Variants in LDB2 observed in about 807,000 individuals in gnomAD.
LDB2 encodes the protein LIM domain-binding protein 2.
LDB2 carries 12 observed loss-of-function variants against 44.3 expected under a neutral mutation model. The observed-to-expected ratio is 0.27, with a 90% confidence interval of 0.17 to 0.44. The LOEUF (loss-of-function observed/expected upper bound fraction) is 0.44. Ranked by LOEUF, LDB2 falls within the 20% of genes least tolerant of loss-of-function variation. LDB2 has a pLI of 1.00. For synonymous variants in LDB2, 164 were observed against 174.8 expected, an observed-to-expected ratio of 0.94 and a Z score of 0.49; for missense variants, 344 against 473.5, an observed-to-expected ratio of 0.73 and a Z score of 2.54.
chr4:16,869,021 G>GC (rs1561490546), intron 1 of LDB2, among the ~76,000 whole-genome samples: 1 of 152,098 alleles, frequency 6.6e-6, no homozygotes. Context: ...GGTAGATGAT[G>GC]TTGATGATGA....
chr4:16,753,073 G>T (rs1364076019), intron 2 of LDB2, among the ~76,000 whole-genome samples: 1 of 152,180 alleles, frequency 6.6e-6, no homozygotes, highest in East Asian at 1.9e-4. Flanking sequence ...ACACACACGG[G>T]TCTTAAATTC....
Position 16,502,823 on chromosome 4 carries a change from G to A in LDB2, c.942C>T (p.Asp314=), listed in dbSNP as rs1391931045. Residue 314 remains aspartate, a synonymous_variant, in exon 8 of 8, where the codon GAC becomes GAT. Coordinates refer to ENST00000304523, the MANE Select transcript of LDB2 (RefSeq NM_001290.5). The stretch of plus-strand genomic sequence containing the variant: ...ATCTAGTGATTAGCCTTTCGTCCTC[G>A]TCCCCAAACTCACCTCCCATCAGAG... The part of the protein sequence containing the change: ...EPTLMGGEFG[D]EDERLITRLE... The A allele has an allele frequency of 3.7e-6, 6 of 1,613,874 alleles. No homozygotes were observed. Among genetic ancestry groups the A allele is most frequent in the Non-Finnish European group, 8.5e-7 (1 of 1,179,978 alleles).
intron 2 of LDB2, among the ~76,000 whole-genome samples, chr4:16,751,096 C>T (rs547030688): frequency 4.3e-4 from 66 of 152,192 alleles, no homozygotes; most frequent in Non-Finnish European, 8.1e-4. Context: ...AGGCAAAGAG[C>T]ACATAATGTC....
At chr4:16,563,534 C>T (rs1278719483) in intron 5 of LDB2, among the ~76,000 whole-genome samples, 13 of 146,280 alleles carry the variant, frequency 8.9e-5, no homozygotes, top group East Asian at 2.1e-4. Flanking sequence ...CTGCAAACTC[C>T]GCCTCCCGGG....
rs1237966070 is a variant in LDB2 at position 16,826,195 on chromosome 4, A to ATAGCTAT, written c.133-66942_133-66936dup. 2.6e-5 allele frequency among the ~76,000 whole-genome samples: 4 copies of ATAGCTAT among 152,294 alleles called. No homozygotes were observed. The East Asian group carries it at 7.7e-4, about 29-fold the overall frequency. On this transcript the variant is annotated intron_variant, in intron 1 of 7. Coordinates refer to ENST00000304523, the MANE Select transcript of LDB2 (RefSeq NM_001290.5). ...GAGATAGATAGATTAGATAGATGAG[A>ATAGCTAT]TAGCTATAACACTGAGACTAAAACA...
At chr4:16,571,972 C>A (rs531440589) in intron 5 of LDB2, among the ~76,000 whole-genome samples, 1 of 152,228 alleles carries the variant, frequency 6.6e-6, no homozygotes, top group Admixed American at 6.5e-5. Flanking sequence ...ACGATGAGGC[C>A]ATAGAATCTA....
intron 1 of LDB2, among the ~76,000 whole-genome samples, chr4:16,799,220 C>A (rs1777313282): frequency 6.6e-6 from 1 of 152,188 alleles, no homozygotes. Context: ...CAAAGCTCTC[C>A]AACATGAATG....
At chr4:16,706,737 T>C (rs1034491010) in intron 2 of LDB2, among the ~76,000 whole-genome samples, 4 of 152,188 alleles carry the variant, frequency 2.6e-5, no homozygotes, top group African/African-American at 9.6e-5. Flanking sequence ...GGGGAGACTT[T>C]GAGCAGGTGA....
chr4:16,586,546 C>T (rs981864892), intron 4 of LDB2, among the ~76,000 whole-genome samples: 1 of 135,974 alleles, frequency 7.4e-6, no homozygotes, highest in African/African-American at 2.6e-5. Flanking sequence ...CACACACACA[C>T]ACACATATAT....
chr4:16,730,043 A>G (rs1329317533), intron 2 of LDB2, among the ~76,000 whole-genome samples: 1 of 152,168 alleles, frequency 6.6e-6, no homozygotes, highest in Non-Finnish European at 1.5e-5. Context: ...CAGGCTCTGC[A>G]TTATCCAGAT....
chr4:16,882,797 T>A (rs1335501677), intron 1 of LDB2, among the ~76,000 whole-genome samples: 1 of 152,222 alleles, frequency 6.6e-6, no homozygotes, highest in African/African-American at 2.4e-5. Flanking sequence ...AAGCAGTTTT[T>A]AAAATAGTAC....
chr4:16,793,486 A>T (rs1776162577), intron 1 of LDB2, among the ~76,000 whole-genome samples: 1 of 152,134 alleles, frequency 6.6e-6, no homozygotes, highest in Admixed American at 6.5e-5. Context: ...CCAGGTTGCC[A>T]TTTGAAGCTT....
chr4:16,716,545 T>G (rs563710986), intron 2 of LDB2, among the ~76,000 whole-genome samples: 2 of 152,292 alleles, frequency 1.3e-5, no homozygotes, highest in East Asian at 3.9e-4. Flanking sequence ...AAAATAAACT[T>G]TCGTCACCAA....
intron 2 of LDB2, among the ~76,000 whole-genome samples, chr4:16,697,372 G>A (rs942008961): frequency 7.3e-5 from 11 of 151,520 alleles, no homozygotes; most frequent in Non-Finnish European, 1.3e-4. Flanking sequence ...GGAGAATGGC[G>A]TGAATCTGGG....
intron 5 of LDB2, among the ~76,000 whole-genome samples, chr4:16,519,798 CAAAG>C (rs888183796): frequency 1.3e-5 from 2 of 151,738 alleles, no homozygotes; most frequent in Non-Finnish European, 2.9e-5. Flanking sequence ...CAGTTTGAAA[CAAAG>C]TAAGTAACCC....
At chr4:16,774,810 A>G (rs1340843495) in intron 1 of LDB2, among the ~76,000 whole-genome samples, 1 of 152,198 alleles carries the variant, frequency 6.6e-6, no homozygotes, top group African/African-American at 2.4e-5. Context: ...GAAAATACCT[A>G]GTAATAAAAG....
intron 2 of LDB2, among the ~76,000 whole-genome samples, chr4:16,629,526 C>A (rs1731276283): frequency 6.6e-6 from 1 of 152,076 alleles, no homozygotes; most frequent in African/African-American, 2.4e-5. Context: ...TCCAGCAGAC[C>A]TGCAGCTGAG....
chr4:16,832,745 A>T (rs1381985968), intron 1 of LDB2, among the ~76,000 whole-genome samples: 1 of 152,184 alleles, frequency 6.6e-6, no homozygotes, highest in Non-Finnish European at 1.5e-5. Context: ...CCAGATTAGG[A>T]TCATCAGACT....
chr4:16,510,751 G>A (rs1721415085), intron 6 of LDB2, among the ~76,000 whole-genome samples: 1 of 152,058 alleles, frequency 6.6e-6, no homozygotes, highest in Admixed American at 6.6e-5. Context: ...TTAAAGTTAT[G>A]GTAAGGATTC....
Sources: gnomAD v4.1 joint callset for allele counts (sites outside exome capture counted in the v4.1 genomes callset) on GRCh38, gnomAD v4.1.1 for gene constraint, MANE v1.5 for transcripts, NCBI Gene and HGNC (gene_info 2026-07-23, HGNC 2026-07-21) for gene names.